MED25: variants seen among roughly 807,000 people sequenced by gnomAD.
The protein encoded by MED25 is mediator complex subunit 25.
In MED25, 62 loss-of-function variants were observed where a neutral mutation model predicts 89.4. That is an observed-to-expected ratio of 0.69 (90% CI 0.57 to 0.86). The LOEUF is 0.86. MED25 is among the 40% of genes least tolerant of loss of function. The pLI is 0.00. For missense variants in MED25, 905 were observed against 1,005.2 expected (o/e 0.90, Z 1.35); for synonymous variants, 449 against 427.9 (o/e 1.05, Z -0.61).
rs749360253 is a variant in MED25 at position 49,831,930 on chromosome 19, C to T, written c.1231-6C>T. ...TTTTACTGACATGCTCTTTTTTCCCCCTCAGAAACCCAAACCTGCCTCAGT... is the reference window on the plus strand; with the variant it reads ...TTTTACTGACATGCTCTTTTTTCCCTCTCAGAAACCCAAACCTGCCTCAGT... On this transcript the variant is annotated splice_polypyrimidine_tract_variant and splice_region_variant and intron_variant, in intron 10 of 17. Transcript: ENST00000312865. This position sits in a 1 kb window ranked among gnomAD's most constrained non-coding sequence, Gnocchi z 5.0. 1.9e-6 allele frequency: 3 copies of T among 1,613,738 alleles called. No homozygotes were observed. The highest frequency in any genetic ancestry group is 2.7e-5 in the African/African-American group (2 of 74,862).
Position 49,830,503 on chromosome 19 carries a change from AC to A in MED25, c.820-5del, listed in dbSNP as rs1311007404. ...CCAGTCCCTTCCCTTCTTCCCTTCT[AC>A]CCACAGGTTCCCGGGAACCTGAGTG... On this transcript the variant is annotated splice_region_variant and splice_polypyrimidine_tract_variant and intron_variant, in intron 7 of 17. Coordinates refer to ENST00000312865, the MANE Select transcript of MED25 (RefSeq NM_030973.4). The surrounding 1 kb of genome is among the most constrained non-coding windows in gnomAD (Gnocchi z 4.6). 2 of 1,613,126 alleles carry A rather than the reference AC, an allele frequency of 1.2e-6. No homozygotes were observed. Among genetic ancestry groups the A allele is most frequent in the Non-Finnish European group, 1.7e-6 (2 of 1,179,426 alleles).
In MED25 at chr19:49,818,452, G is replaced by T; in HGVS notation, c.111G>T (p.Lys37Asn). ...NLGPYFEGLR[K>N]HYLLPAIEYF... ...GACCCTACTTCGAGGGGCTCCGCAA[G>T]CACTACCTGCTCCCGGCCATCGAGT... Residue 37 changes from lysine to asparagine, a missense_variant, in exon 1 of 18, where the codon AAG becomes AAT. This residue lies in a region of MED25 where 501 missense variants were observed against 526.9 expected (regional missense o/e 0.95). Transcript: ENST00000312865. 1 of 1,614,182 alleles carries T rather than the reference G, an allele frequency of 6.2e-7. No homozygotes were observed. Among genetic ancestry groups the T allele is most frequent in the Non-Finnish European group, 8.5e-7 (1 of 1,180,036 alleles).
rs1042656719 is a variant in MED25 at position 49,835,658 on chromosome 19, C to T, written c.1746+53C>T. ...CTGGGTTGGGGAGGCCCCAAGGCTGCGCTCTGTGCCTGCAGAAGGGGCGTG... is the reference window on the plus strand; with the variant it reads ...CTGGGTTGGGGAGGCCCCAAGGCTGTGCTCTGTGCCTGCAGAAGGGGCGTG... On this transcript the variant is annotated intron_variant, in intron 15 of 17. Coordinates refer to ENST00000312865, the MANE Select transcript of MED25 (RefSeq NM_030973.4). This position sits in a 1 kb window ranked among gnomAD's most constrained non-coding sequence, Gnocchi z 6.2. 3.0e-5 allele frequency: 47 copies of T among 1,567,006 alleles called. No individual in the cohort carries two copies. The highest frequency in any genetic ancestry group is 7.2e-5 in the East Asian group (3 of 41,752).
chr19:49,839,199 C>G (rs1488609249), downstream of MED25: 1 of 179,496 alleles, frequency 5.6e-6, no homozygotes, highest in African/African-American at 2.4e-5. Flanking sequence ...AAGGCAGGCC[C>G]AACACTGGGA....
Position 49,835,667 on chromosome 19 carries a change from C to A in MED25, c.1747-60C>A. 1 of 1,576,584 alleles carries A rather than the reference C, an allele frequency of 6.3e-7. No homozygotes were observed. Among genetic ancestry groups the A allele is most frequent in the Non-Finnish European group, 8.6e-7 (1 of 1,161,644 alleles). The stretch of plus-strand genomic sequence containing the variant: ...GGAGGCCCCAAGGCTGCGCTCTGTG[C>A]CTGCAGAAGGGGCGTGAGGCCCTGC... On this transcript the variant is annotated intron_variant, in intron 15 of 17. Coordinates refer to ENST00000312865, the MANE Select transcript of MED25 (RefSeq NM_030973.4). This position sits in a 1 kb window ranked among gnomAD's most constrained non-coding sequence, Gnocchi z 6.2.
At position 49,819,727 on chromosome 19, in the gene MED25, G is replaced by A. The variant is rs575682311; in HGVS notation, c.305+431G>A. 114 of 330,002 alleles carry A rather than the reference G, an allele frequency of 3.5e-4. 1 individual carries two copies. Among genetic ancestry groups the A allele is most frequent in the Middle Eastern group, 2.2e-3 (2 of 898 alleles). 20.4% of individuals were successfully genotyped at this position (330,002 alleles called of 1,614,324 possible). On this transcript the variant is annotated intron_variant, in intron 3 of 17. Transcript: ENST00000312865. ...TCCCCTTTCTGTCCTCTCTTTTTCC[G>A]TCTACCCCTGTCCTCCTTTTCCAGA...
chr19:49,835,992 G>T lies in MED25; in HGVS notation c.1965+47G>T. ...GCGAGAGTTCCAGATCCTGGCCCTG[G>T]TGGTTCTGGTCCTGTTGTCTGGGAG... is the stretch of plus-strand genomic sequence containing the variant. On this transcript the variant is annotated intron_variant, in intron 16 of 17. Coordinates refer to ENST00000312865, the MANE Select transcript of MED25 (RefSeq NM_030973.4). The surrounding 1 kb of genome is among the most constrained non-coding windows in gnomAD (Gnocchi z 6.2). The T allele has an allele frequency of 1.2e-6, 2 of 1,603,776 alleles. No individual in the cohort carries two copies. Among genetic ancestry groups the T allele is most frequent in the Non-Finnish European group, 1.7e-6 (2 of 1,176,268 alleles).
chr19:49,836,361 G>A lies in MED25; in HGVS notation c.2101G>A (p.Ala701Thr), dbSNP rs1341281472. The change falls in exon 17 of 18, where the codon GCC becomes ACC. Residue 701 changes from alanine (A) to threonine (T), a missense_variant. By Grantham distance (58) the Ala-to-Thr change is moderately conservative. This residue lies in a region of MED25 where 271 missense variants were observed against 258.1 expected (regional missense o/e 1.05). Transcript: ENST00000312865. This position sits in a 1 kb window ranked among gnomAD's most constrained non-coding sequence, Gnocchi z 5.1. ...GCCCCCACTCCTGCATCCACCACCT[G>A]CCCAGTCCTGGCCCGCACAACTTCC... ...LGPPLLHPPP[A>T]QSWPAQLPPR... is the part of the protein sequence containing the mutation. 1.2e-6 allele frequency: 2 copies of A among 1,607,878 alleles called. No homozygotes were observed. Among genetic ancestry groups the A allele is most frequent in the African/African-American group, 1.3e-5 (1 of 74,816 alleles).
At position 49,836,594 on chromosome 19, in the gene MED25, G is replaced by T. The variant is rs2074100243; in HGVS notation, c.2146+188G>T. On this transcript the variant is annotated intron_variant, in intron 17 of 17. Coordinates refer to ENST00000312865, the MANE Select transcript of MED25 (RefSeq NM_030973.4). The surrounding 1 kb of genome is among the most constrained non-coding windows in gnomAD (Gnocchi z 5.1). The stretch of plus-strand genomic sequence containing the variant: ...GCCCATGGGTCCAAGGACCTAGTGG[G>T]TTAAGAGCGTTTCCCATGATCCTCC... The T allele has an allele frequency of 9.0e-6, 7 of 780,434 alleles. No homozygotes were observed. Among genetic ancestry groups the T allele is most frequent in the Non-Finnish European group, 1.6e-5 (7 of 448,156 alleles). The allele number at this position is 780,434 out of a possible 1,614,324, so 48.3% of individuals were successfully genotyped here. A position where few individuals can be genotyped will look rare whatever the true frequency, so the allele number is the denominator to read the frequency against.
Position 49,829,731 on chromosome 19 carries a change from C to T in MED25, c.526-55C>T, listed in dbSNP as rs1174482851. 5.2e-6 allele frequency: 8 copies of T among 1,533,992 alleles called. No homozygotes were observed. The highest frequency in any genetic ancestry group is 7.1e-6 in the Non-Finnish European group (8 of 1,133,178). ...GCAGTTGTGGTAGGTTGGGGGCCGG[C>T]CCCAACACCCTTATGGAGGGGGCCC... On this transcript the variant is annotated intron_variant, in intron 5 of 17. Coordinates refer to ENST00000312865, the MANE Select transcript of MED25 (RefSeq NM_030973.4). This position sits in a 1 kb window ranked among gnomAD's most constrained non-coding sequence, Gnocchi z 4.6.
chr19:49,822,323 G>C (rs548177083), intron 3 of MED25, among the ~76,000 whole-genome samples: 150 of 145,190 alleles, frequency 1.0e-3, no homozygotes, highest in African/African-American at 3.4e-3. Context: ...CATGTGCCTT[G>C]TAATCCTAGC....
In MED25 at chr19:49,836,685, G is replaced by GC. The variant is rs1010568152; in HGVS notation, c.2147-157dup. The GC allele has an allele frequency of 1.1e-5, 8 of 739,966 alleles. No homozygotes were observed. Among genetic ancestry groups the GC allele is most frequent in the Non-Finnish European group, 2.0e-5 (8 of 407,426 alleles). 45.8% of individuals were successfully genotyped at this position (739,966 alleles called of 1,614,324 possible). A position where few individuals can be genotyped will look rare whatever the true frequency, so the allele number is the denominator to read the frequency against. On this transcript the variant is annotated intron_variant, in intron 17 of 17. Transcript: ENST00000312865. This position sits in a 1 kb window ranked among gnomAD's most constrained non-coding sequence, Gnocchi z 5.1. The stretch of plus-strand genomic sequence containing the variant: ...GCCAGAGAAGTAGTTTTGGAGAAGG[G>GC]CCCCCAAAGGCTCATGGGAAACAGC...
downstream of MED25, chr19:49,837,106 G>A (rs544710770): frequency 8.6e-6 from 6 of 698,734 alleles, no homozygotes; most frequent in East Asian, 2.7e-5. Context: ...TGGGGCCTCC[G>A]TGGTGAGTCA....
rs936776698 is a variant in MED25 at position 49,830,334 on chromosome 19, T to C, written c.819+116T>C. ...GGGATGATGGGAGTCCCATGGGACA[T>C]TGGGAAGGTGGGACTCTTGGGGCCA... On this transcript the variant is annotated intron_variant, in intron 7 of 17. Transcript: ENST00000312865. This position sits in a 1 kb window ranked among gnomAD's most constrained non-coding sequence, Gnocchi z 4.6. 3.0e-5 allele frequency: 37 copies of C among 1,226,568 alleles called. No homozygotes were observed. In the Admixed American group the frequency reaches 6.2e-4, roughly 21 times the overall value. 76.0% of individuals were successfully genotyped at this position (1,226,568 alleles called of 1,614,324 possible).
rs1005796867 is a variant in MED25, at chr19:49,829,726, G to A, written c.526-60G>A. 3 of 1,519,510 alleles carry A rather than the reference G, an allele frequency of 2.0e-6. No homozygotes were observed. The highest frequency in any genetic ancestry group is 1.8e-6 in the Non-Finnish European group (2 of 1,121,118). 94.1% of individuals were successfully genotyped at this position (1,519,510 alleles called of 1,614,324 possible). A position where few individuals can be genotyped will look rare whatever the true frequency, so the allele number is the denominator to read the frequency against. On this transcript the variant is annotated intron_variant, in intron 5 of 17. Transcript: ENST00000312865. This position sits in a 1 kb window ranked among gnomAD's most constrained non-coding sequence, Gnocchi z 4.6. ...ACACAGCAGTTGTGGTAGGTTGGGG[G>A]CCGGCCCCAACACCCTTATGGAGGG...
At position 49,818,601 on chromosome 19, in the gene MED25, G is replaced by A. The variant is rs77400039; in HGVS notation, c.165G>A (p.Thr55=). 0.028 allele frequency: 45,917 copies of A among 1,614,030 alleles called. 1,331 individuals carry two copies. Among genetic ancestry groups the A allele is most frequent in the South Asian group, 0.12 (10,784 of 91,078 alleles). Residue 55 remains threonine, a synonymous_variant, in exon 2 of 18, where the codon ACG becomes ACA. Coordinates refer to ENST00000312865, the MANE Select transcript of MED25 (RefSeq NM_030973.4). The part of the protein sequence containing the change: ...EYFNGGPPAE[T]DFGGDYGGTQ... The stretch of plus-strand genomic sequence containing the variant: ...TTAATGGTGGTCCTCCTGCTGAGAC[G>A]GACTTCGGGGGAGACGTGAGTCTAG...
At chr19:49,822,328 C>T (rs2073989053) in intron 3 of MED25, among the ~76,000 whole-genome samples, 1 of 151,370 alleles carries the variant, frequency 6.6e-6, no homozygotes, top group South Asian at 2.1e-4. Context: ...GCCTTGTAAT[C>T]CTAGCTACTC....
At chr19:49,821,638 C>T (rs1171736758) in intron 3 of MED25, among the ~76,000 whole-genome samples, 1 of 151,346 alleles carries the variant, frequency 6.6e-6, no homozygotes, top group African/African-American at 2.4e-5. Flanking sequence ...CTTGACCTCC[C>T]TAAGTGCTGG....
intron 12 of MED25, 58 bp from the exon 13 acceptor site, chr19:49,832,250 A>ACCCCCACTCCCTGCCTCG (rs2074063445): frequency 1.3e-5 from 19 of 1,519,732 alleles, no homozygotes; most frequent in Non-Finnish European, 1.6e-5. Context: ...TCCCTGCCTC[A>ACCCCCACTCCCTGCCTCG]TGTCCCCGCC....
Sources: gnomAD v4.1 joint callset for allele counts (sites outside exome capture counted in the v4.1 genomes callset) on GRCh38, gnomAD v4.1.1 for gene constraint, gnomAD v4.1.1 regional missense constraint, Gnocchi (gnomAD v3.1) non-coding constraint, MANE v1.5 for transcripts, NCBI Gene and HGNC (gene_info 2026-07-23, HGNC 2026-07-21) for gene names.